RFX4: variants seen among roughly 807,000 people sequenced by gnomAD.
RFX4 encodes the protein transcription factor RFX4.
Under a neutral mutation model 95.0 loss-of-function variants are expected in RFX4, and 10 were observed. The observed-to-expected ratio is 0.11, with a 90% CI of 0.06 to 0.18. The LOEUF (loss-of-function observed/expected upper bound fraction) is 0.18. RFX4 is among the 10% of genes least tolerant of loss of function. The pLI, the probability that RFX4 is intolerant of heterozygous loss-of-function variation, is 1.00. For synonymous variants in RFX4, 321 were observed against 340.7 expected (o/e 0.94, Z 0.64); for missense variants, 640 against 922.0 (o/e 0.69, Z 3.96).
In RFX4 at chr12:106,594,665, C is replaced by G. The variant is rs552508602; in HGVS notation, c.43+11302C>G. On this transcript the variant is annotated intron_variant, in intron 1 of 17. Coordinates refer to ENST00000392842, the MANE Select transcript of RFX4 (RefSeq NM_213594.3). ...GTACTGGGCAGCCTCGCACAGAGGC[C>G]GGCTGAGCCTTGAGCGCCGCTGGGA... Among the ~76,000 whole-genome samples, 4 of 152,206 alleles carry G rather than the reference C, an allele frequency of 2.6e-5. No individual in the cohort carries two copies. In the South Asian group the frequency reaches 8.3e-4, roughly 32 times the overall value.
chr12:106,597,149 G>T (rs1293496251), intron 1 of RFX4, among the ~76,000 whole-genome samples: 1 of 152,150 alleles, frequency 6.6e-6, no homozygotes, highest in African/African-American at 2.4e-5. Flanking sequence ...GCCAAGGGCT[G>T]TCCTAAATAC....
At position 106,583,196 on chromosome 12, in the gene RFX4, C is replaced by G; in HGVS notation, c.-125C>G. 1.2e-6 allele frequency: 1 copy of G among 869,484 alleles called. No homozygotes were observed. The highest frequency in any genetic ancestry group is 1.8e-5 in the African/African-American group (1 of 56,500). The allele number at this position is 869,484 out of a possible 1,614,324, so 53.9% of individuals were successfully genotyped here. ...CCTCCTTTATCCTTGTGCCCCCTCACTTTCTGCGTCTCTCTCTCTCCCCTT... is the reference window on the plus strand; with the variant it reads ...CCTCCTTTATCCTTGTGCCCCCTCAGTTTCTGCGTCTCTCTCTCTCCCCTT... On this transcript the variant is annotated 5_prime_UTR_variant, in exon 1 of 18. Coordinates refer to ENST00000392842, the MANE Select transcript of RFX4 (RefSeq NM_213594.3).
At chr12:106,739,847 A>T (rs1377388641) in intron 15 of RFX4, among the ~76,000 whole-genome samples, 4 of 152,158 alleles carry the variant, frequency 2.6e-5, no homozygotes, top group African/African-American at 9.7e-5. Flanking sequence ...AAAGTTTAGA[A>T]ACCTTAACTT....
intron 2 of RFX4, among the ~76,000 whole-genome samples, chr12:106,614,788 C>T (rs537354389): frequency 1.3e-5 from 2 of 152,182 alleles, no homozygotes; most frequent in East Asian, 1.9e-4. Context: ...GGATTACAGG[C>T]GTGAGCCACC....
chr12:106,718,170 T>C (rs568830137), intron 11 of RFX4, among the ~76,000 whole-genome samples: 20 of 152,320 alleles, frequency 1.3e-4, no homozygotes, highest in South Asian at 8.3e-4. Flanking sequence ...CAACAGACCT[T>C]GGTTCAAACC....
chr12:106,639,687 C>T (rs367973448), intron 3 of RFX4, among the ~76,000 whole-genome samples: 5 of 152,126 alleles, frequency 3.3e-5, no homozygotes, highest in Admixed American at 6.6e-5. Flanking sequence ...TCCATTATTA[C>T]AATTTATAAT....
intron 1 of RFX4, among the ~76,000 whole-genome samples, chr12:106,598,109 T>G (rs1464150645): frequency 6.6e-6 from 1 of 152,184 alleles, no homozygotes; most frequent in African/African-American, 2.4e-5. Context: ...GAAGTTAATT[T>G]GCCTTGATTC....
chr12:106,710,680 G>A (rs1277195443), intron 9 of RFX4, among the ~76,000 whole-genome samples: 2 of 152,206 alleles, frequency 1.3e-5, no homozygotes, highest in Admixed American at 1.3e-4. Context: ...CCTTCCACCT[G>A]TGTGTGTCTG....
At chr12:106,651,767 T>C (rs908434409) in intron 3 of RFX4, among the ~76,000 whole-genome samples, 5 of 152,148 alleles carry the variant, frequency 3.3e-5, no homozygotes, top group African/African-American at 1.2e-4. Flanking sequence ...TGGCCAATTG[T>C]TGTCGTGCGG....
At chr12:106,713,155 C>T (rs1339313479) in intron 10 of RFX4, among the ~76,000 whole-genome samples, 1 of 152,194 alleles carries the variant, frequency 6.6e-6, no homozygotes, top group South Asian at 2.1e-4. Context: ...GAAACACCAG[C>T]TAGTATCCCA....
intron 14 of RFX4, 95 bp downstream of exon 14, chr12:106,732,344 G>A (rs369769131): frequency 6.6e-7 from 1 of 1,513,120 alleles, no homozygotes. Context: ...GTATCTCAAA[G>A]AATTTAGTTA....
intron 4 of RFX4, among the ~76,000 whole-genome samples, chr12:106,662,735 T>A (rs1056759781): frequency 6.6e-6 from 1 of 152,152 alleles, no homozygotes; most frequent in Non-Finnish European, 1.5e-5. Context: ...TTAATTTTTG[T>A]GATGGGTATA....
chr12:106,735,895 A>C (rs1445790945), intron 15 of RFX4, among the ~76,000 whole-genome samples: 5 of 152,214 alleles, frequency 3.3e-5, no homozygotes, highest in Non-Finnish European at 5.9e-5. Flanking sequence ...GAGGTTCCCA[A>C]GGAAGGAGAG....
intron 3 of RFX4, among the ~76,000 whole-genome samples, chr12:106,646,821 TTCCTGA>T (rs1006637249): frequency 2.0e-5 from 3 of 152,174 alleles, no homozygotes; most frequent in Non-Finnish European, 4.4e-5. Flanking sequence ...GAGGGGGACA[TTCCTGA>T]CTCCCCAGGG....
At chr12:106,592,771 GT>G (rs1439100590) in intron 1 of RFX4, among the ~76,000 whole-genome samples, 3 of 152,158 alleles carry the variant, frequency 2.0e-5, no homozygotes, top group Non-Finnish European at 4.4e-5. Context: ...TGCAGAGAGA[GT>G]TTGGTTCTTT....
chr12:106,733,769 A>T (rs2042657655), intron 15 of RFX4, among the ~76,000 whole-genome samples: 1 of 152,190 alleles, frequency 6.6e-6, no homozygotes. Context: ...CACACAGTCC[A>T]AGATATGCAC....
chr12:106,654,314 A>G lies in RFX4; in HGVS notation c.278A>G (p.Asn93Ser). Residue 93 changes from asparagine to serine, a missense_variant, in exon 4 of 18, where the codon AAT becomes AGT. By Grantham distance (46) the Asn-to-Ser change is conservative (BLOSUM62 1). Transcript: ENST00000392842. ...CATTACCTGGATTTCTGCGAGAAGA[A>G]TGATACCCAACCTGTCAATGCTGCC... is the stretch of plus-strand genomic sequence containing the variant. ...YMHYLDFCEK[N>S]DTQPVNAASF... The G allele has an allele frequency of 6.2e-7, 1 of 1,614,094 alleles. No homozygotes were observed. Among genetic ancestry groups the G allele is most frequent in the Non-Finnish European group, 8.5e-7 (1 of 1,179,962 alleles).
At chr12:106,635,996 TAAG>T (rs2040502900) in intron 2 of RFX4, among the ~76,000 whole-genome samples, 1 of 152,192 alleles carries the variant, frequency 6.6e-6, no homozygotes, top group African/African-American at 2.4e-5. Flanking sequence ...TGCTGTTCTT[TAAG>T]ACTGGAGAAG....
At chr12:106,732,295 T>C in intron 14 of RFX4, 46 bp downstream of exon 14, 1 of 1,607,948 alleles carries the variant, frequency 6.2e-7, no homozygotes, top group East Asian at 2.2e-5. Flanking sequence ...GTAATGTTAT[T>C]TGTATCCTTA....
Sources: allele counts gnomAD v4.1 joint callset (sites outside exome capture counted in the v4.1 genomes callset), GRCh38; gene constraint gnomAD v4.1.1; transcripts MANE v1.5; gene names NCBI Gene and HGNC (gene_info 2026-07-23, HGNC 2026-07-21).